CCSER2: variants seen among roughly 807,000 people sequenced by gnomAD.
CCSER2 encodes the protein serine-rich coiled-coil domain-containing protein 2.
A neutral mutation model predicts 92.3 loss-of-function variants in CCSER2; 46 were observed. The observed-to-expected ratio is 0.50, with a 90% CI of 0.39 to 0.64. The LOEUF is 0.64. CCSER2 is among the 30% of genes least tolerant of loss of function. The pLI is 0.00. For missense variants in CCSER2, 1,244 were observed against 1,238.9 expected, an observed-to-expected ratio of 1.00 and a Z score of -0.06; for synonymous variants, 433 against 431.4, an observed-to-expected ratio of 1.00 and a Z score of -0.04.
rs538430872 is a variant in CCSER2 at position 84,480,337 on chromosome 10, T to C, written c.2325+2673T>C. 9.2e-5 allele frequency among the ~76,000 whole-genome samples: 14 copies of C among 152,362 alleles called. No individual in the cohort carries two copies. In the East Asian group the frequency reaches 2.7e-3, roughly 29 times the overall value. On this transcript the variant is annotated intron_variant, in intron 9 of 9. Coordinates refer to ENST00000372088, the MANE Select transcript of CCSER2 (RefSeq NM_001284240.2). ...CATGCCTGACCACATACTTGTATTT[T>C]AAATTACTGAGAAAAAAGTATTTTT...
intron 4 of CCSER2, among the ~76,000 whole-genome samples, chr10:84,422,194 C>T (rs919040737): frequency 5.1e-4 from 78 of 152,268 alleles, no homozygotes; most frequent in Non-Finnish European, 9.7e-4. Flanking sequence ...AAGACCTTGC[C>T]TCTGAGGCAT....
intron 6 of CCSER2, among the ~76,000 whole-genome samples, chr10:84,447,195 T>A (rs1446448077): frequency 6.6e-6 from 1 of 152,228 alleles, no homozygotes; most frequent in Non-Finnish European, 1.5e-5. Context: ...AGTAGTTCAG[T>A]CTTTTTTACT....
chr10:84,435,135 A>G (rs377752090), intron 5 of CCSER2, among the ~76,000 whole-genome samples: 2 of 152,350 alleles, frequency 1.3e-5, no homozygotes, highest in African/African-American at 4.8e-5. Flanking sequence ...AACCTAAGGC[A>G]TATAAACTTT....
chr10:84,470,602 G>A, intron 8 of CCSER2, 144 bp downstream of exon 8: 1 of 500,492 alleles, frequency 2.0e-6, no homozygotes. Flanking sequence ...TATATGCACT[G>A]TAATAAAAGT....
chr10:84,370,390 A>C (rs1845999627), intron 1 of CCSER2, among the ~76,000 whole-genome samples: 1 of 151,816 alleles, frequency 6.6e-6, no homozygotes, highest in South Asian at 2.1e-4. Flanking sequence ...ATTTTTTTGC[A>C]GCTATGGTCA....
chr10:84,374,121 C>A (rs779048157), intron 3 of CCSER2: 6 of 495,902 alleles, frequency 1.2e-5, no homozygotes, highest in Admixed American at 3.7e-5. Context: ...AGGTCAATGA[C>A]TGGAGGTGGT....
At chr10:84,441,635 G>A (rs1190627061) in intron 6 of CCSER2, among the ~76,000 whole-genome samples, 2 of 149,658 alleles carry the variant, frequency 1.3e-5, no homozygotes, top group Non-Finnish European at 3.0e-5. Flanking sequence ...TGGACCCTCA[G>A]CATCTACTGA....
At chr10:84,432,484 A>T (rs892748763) in intron 5 of CCSER2, among the ~76,000 whole-genome samples, 1 of 152,196 alleles carries the variant, frequency 6.6e-6, no homozygotes. Flanking sequence ...GCTCCCACTT[A>T]TAAGTGAGAA....
At chr10:84,435,678 TAACCAAAAA>T (rs1254247138) in intron 5 of CCSER2, among the ~76,000 whole-genome samples, 44 of 123,194 alleles carry the variant, frequency 3.6e-4, no homozygotes, top group African/African-American at 1.5e-3. Context: ...AAAAAATAAA[TAACCAAAAA>T]AACCAAAAAC....
chr10:84,381,848 G>A (rs984535698), intron 3 of CCSER2, among the ~76,000 whole-genome samples: 7 of 151,306 alleles, frequency 4.6e-5, no homozygotes, highest in African/African-American at 9.7e-5. Flanking sequence ...GCTTGAACCC[G>A]GGCGGCAGAG....
chr10:84,476,595 C>T (rs1847161175), intron 8 of CCSER2, among the ~76,000 whole-genome samples: 1 of 151,920 alleles, frequency 6.6e-6, no homozygotes, highest in Admixed American at 6.6e-5. Flanking sequence ...AGGTGCCCGC[C>T]ACCACATCCG....
chr10:84,426,724 G>A (rs2133438760), intron 5 of CCSER2, among the ~76,000 whole-genome samples: 1 of 152,226 alleles, frequency 6.6e-6, no homozygotes, highest in South Asian at 2.1e-4. Flanking sequence ...AGAAAAACAT[G>A]GTGTTGTGTA....
intron 9 of CCSER2, among the ~76,000 whole-genome samples, chr10:84,490,976 C>T (rs1450641158): frequency 1.3e-5 from 2 of 152,202 alleles, no homozygotes; most frequent in African/African-American, 4.8e-5. Flanking sequence ...CCCTCAGCTG[C>T]AGGTCTGTTG....
intron 1 of CCSER2, among the ~76,000 whole-genome samples, chr10:84,366,558 A>G (rs1358134516): frequency 6.6e-6 from 1 of 152,212 alleles, no homozygotes; most frequent in East Asian, 1.9e-4. Flanking sequence ...GATTAATTTT[A>G]ACTGGAAATG....
At chr10:84,357,959 G>A (rs1347819823) in intron 1 of CCSER2, among the ~76,000 whole-genome samples, 1 of 152,172 alleles carries the variant, frequency 6.6e-6, no homozygotes. Flanking sequence ...TGTTGAAGAA[G>A]AGAATGTGGT....
In CCSER2 at chr10:84,391,730, G is replaced by GT; in HGVS notation, c.1614+17916dup. 2.8e-5 allele frequency: 42 copies of GT among 1,495,092 alleles called. 2 individuals are homozygous for GT. In the South Asian group the frequency reaches 4.5e-4, roughly 16 times the overall value. 92.6% of individuals were successfully genotyped at this position (1,495,092 alleles called of 1,614,324 possible). A position where few individuals can be genotyped will look rare whatever the true frequency, so the allele number is the denominator to read the frequency against. The stretch of plus-strand genomic sequence containing the variant: ...TCTTGGTTACGTGTGTCTTCAAGAG[G>GT]TGGCCCCCATGCTACAGCAGTATGA... On this transcript the variant is annotated intron_variant, in intron 3 of 9. Coordinates refer to ENST00000372088, the MANE Select transcript of CCSER2 (RefSeq NM_001284240.2).
At chr10:84,447,057 A>G (rs1460467037) in intron 6 of CCSER2, among the ~76,000 whole-genome samples, 1 of 151,770 alleles carries the variant, frequency 6.6e-6, no homozygotes, top group African/African-American at 2.4e-5. Flanking sequence ...CTGACAAATA[A>G]TATTCCTATG....
chr10:84,400,013 T>C (rs1361637058), intron 3 of CCSER2, among the ~76,000 whole-genome samples: 1 of 152,172 alleles, frequency 6.6e-6, no homozygotes, highest in African/African-American at 2.4e-5. Flanking sequence ...TTTTTGTGTG[T>C]TTATTGTCTA....
At chr10:84,391,840 G>A (rs1841536158) in intron 3 of CCSER2, 1 of 1,521,314 alleles carries the variant, frequency 6.6e-7, no homozygotes, top group Non-Finnish European at 9.1e-7. Flanking sequence ...CATGATCATT[G>A]TGAATCCCAG....
Sources: gnomAD v4.1 joint callset for allele counts (sites outside exome capture counted in the v4.1 genomes callset) on GRCh38, gnomAD v4.1.1 for gene constraint, MANE v1.5 for transcripts, NCBI Gene and HGNC (gene_info 2026-07-23, HGNC 2026-07-21) for gene names.